Variants in CSTF1 observed in about 807,000 individuals in gnomAD.
The protein encoded by CSTF1 is CF-1 50 kDa subunit.
CSTF1 carries 2 observed loss-of-function variants against 40.9 expected under a neutral mutation model. The ratio of observed to expected loss-of-function variants is 0.05; its 90% CI spans 0.02 to 0.15. The LOEUF (loss-of-function observed/expected upper bound fraction) is 0.15, where lower values mean the gene tolerates loss of function less well. Ranked by LOEUF, CSTF1 falls within the 10% of genes least tolerant of loss-of-function variation. CSTF1 has a pLI of 1.00. For missense variants in CSTF1, 279 were observed against 558.9 expected, an observed-to-expected ratio of 0.50 and a Z score of 5.05; for synonymous variants, 218 against 207.2, an observed-to-expected ratio of 1.05 and a Z score of -0.45.
Position 56,393,170 on chromosome 20 carries a change from A to ATGTGTGTGTG in CSTF1, c.-33+467_-33+476dup, listed in dbSNP as rs11473393. Among the ~76,000 whole-genome samples the ATGTGTGTGTG allele has an allele frequency of 5.3e-5, 7 of 132,052 alleles. No homozygotes were observed. The East Asian group carries it at 1.4e-3, about 27-fold the overall frequency. The allele number at this position is 132,052 out of a possible 152,430, so 86.6% of individuals were successfully genotyped here. The stretch of plus-strand genomic sequence containing the variant: ...CATATACATATATATACACACACAT[A>ATGTGTGTGTG]TGTGTGTGTGTGTGTGTGTATGTAC... On this transcript the variant is annotated intron_variant, in intron 1 of 5. Transcript: ENST00000217109.
chr20:56,403,846 A>T lies in CSTF1; in HGVS notation c.*119A>T. On this transcript the variant is annotated 3_prime_UTR_variant, in exon 6 of 6. Transcript: ENST00000217109. The stretch of plus-strand genomic sequence containing the variant: ...ACGTTTTGCTGCCACCTCTGTCCAC[A>T]TTCTTCTTGGATTTGTATAAAAGAA... 1 of 999,946 alleles carries T rather than the reference A, an allele frequency of 1.0e-6. No individual in the cohort carries two copies. The highest frequency in any genetic ancestry group is 1.5e-6 in the Non-Finnish European group (1 of 673,344). 61.9% of individuals were successfully genotyped at this position (999,946 alleles called of 1,614,324 possible).
At chr20:56,402,135 C>T (rs1978481009) in intron 5 of CSTF1, among the ~76,000 whole-genome samples, 1 of 151,974 alleles carries the variant, frequency 6.6e-6, no homozygotes, top group Non-Finnish European at 1.5e-5. Flanking sequence ...GGTGAAACCC[C>T]ATCTCTACTA....
In CSTF1 at chr20:56,399,046, G is replaced by A. The variant is rs1431453883; in HGVS notation, c.725G>A (p.Arg242His). ...GTCGGAACTCAGCATCCTACTCTTC[G>A]CCTTTATGATATCAACACCTTTCAA... is the stretch of plus-strand genomic sequence containing the variant. ...ILVGTQHPTL[R>H]LYDINTFQCF... The change falls in exon 5 of 6, where the codon CGC (arginine) becomes CAC (histidine). Residue 242 changes from arginine to histidine, a missense_variant. Arg to His is a conservative substitution (Grantham distance 29). Around this residue, in one of 4 missense-constraint regions of CSTF1, gnomAD observed 162 missense variants for 337.1 expected, o/e 0.48. Coordinates refer to ENST00000217109, the MANE Select transcript of CSTF1 (RefSeq NM_001324.3). The surrounding 1 kb of genome is among the most constrained non-coding windows in gnomAD (Gnocchi z 4.6). 18 of 1,613,798 alleles carry A rather than the reference G, an allele frequency of 1.1e-5. No homozygotes were observed. Among genetic ancestry groups the A allele is most frequent in the Non-Finnish European group, 1.7e-6 (2 of 1,179,974 alleles).
At position 56,403,816 on chromosome 20, in the gene CSTF1, C is replaced by A; in HGVS notation, c.*89C>A. On this transcript the variant is annotated 3_prime_UTR_variant, in exon 6 of 6. Transcript: ENST00000217109. ...CTGCAGTCGTAAGTCCGTGCACCAT[C>A]CTTGACGTTTTGCTGCCACCTCTGT... 2 of 1,368,608 alleles carry A rather than the reference C, an allele frequency of 1.5e-6. No homozygotes were observed. Among genetic ancestry groups the A allele is most frequent in the African/African-American group, 1.4e-5 (1 of 69,410 alleles). 84.8% of individuals were successfully genotyped at this position (1,368,608 alleles called of 1,614,324 possible). A position where few individuals can be genotyped will look rare whatever the true frequency, so the allele number is the denominator to read the frequency against.
At chr20:56,398,125 G>C (rs527891462) in intron 4 of CSTF1, among the ~76,000 whole-genome samples, 3 of 152,038 alleles carry the variant, frequency 2.0e-5, no homozygotes, top group Non-Finnish European at 4.4e-5. Context: ...AACAAAACAC[G>C]ACCAGCTTCA....
In CSTF1 at chr20:56,397,884, C is replaced by G; in HGVS notation, c.645+43C>G. ...GGAGCTTTACATTTTTTCTTAAATACAATGAGCTATTGTACAACTATTCTC... is the reference window on the plus strand; with the variant it reads ...GGAGCTTTACATTTTTTCTTAAATAGAATGAGCTATTGTACAACTATTCTC... On this transcript the variant is annotated intron_variant, in intron 4 of 5. Transcript: ENST00000217109. This position sits in a 1 kb window ranked among gnomAD's most constrained non-coding sequence, Gnocchi z 4.4. 1 of 1,426,778 alleles carries G rather than the reference C, an allele frequency of 7.0e-7. No individual in the cohort carries two copies. The highest frequency in any genetic ancestry group is 9.8e-7 in the Non-Finnish European group (1 of 1,017,928). The allele number at this position is 1,426,778 out of a possible 1,614,324, so 88.4% of individuals were successfully genotyped here. A position where few individuals can be genotyped will look rare whatever the true frequency, so the allele number is the denominator to read the frequency against.
rs1268508001 is a variant in CSTF1 at position 56,404,501 on chromosome 20, G to C, written c.*774G>C. 6.6e-6 allele frequency: 1 copy of C among 152,158 alleles called. No homozygotes were observed. Among genetic ancestry groups the C allele is most frequent in the Non-Finnish European group, 1.5e-5 (1 of 68,024 alleles). The allele number at this position is 152,158 out of a possible 1,614,324, so 9.4% of individuals were successfully genotyped here. On this transcript the variant is annotated 3_prime_UTR_variant, in exon 6 of 6. Transcript: ENST00000217109. ...TGTTGCCTGTCTTCACGAATGATTA[G>C]TATCGATTGACCTCTTTCTTAGGTG...
Position 56,403,790 on chromosome 20 carries a change from G to T in CSTF1, c.*63G>T. On this transcript the variant is annotated 3_prime_UTR_variant, in exon 6 of 6. Coordinates refer to ENST00000217109, the MANE Select transcript of CSTF1 (RefSeq NM_001324.3). ...CCCTCCTCCCCCACGTCCTGTCTCA[G>T]CTGCAGTCGTAAGTCCGTGCACCAT... The T allele has an allele frequency of 1.3e-6, 2 of 1,530,116 alleles. No homozygotes were observed. The highest frequency in any genetic ancestry group is 4.5e-5 in the East Asian group (2 of 44,052). 94.8% of individuals were successfully genotyped at this position (1,530,116 alleles called of 1,614,324 possible).
chr20:56,403,927 T>G lies in CSTF1; in HGVS notation c.*200T>G. 1.7e-6 allele frequency: 1 copy of G among 588,316 alleles called. No homozygotes were observed. Among genetic ancestry groups the G allele is most frequent in the Non-Finnish European group, 3.0e-6 (1 of 335,262 alleles). 36.4% of individuals were successfully genotyped at this position (588,316 alleles called of 1,614,324 possible). Reference sequence around the variant, plus strand: ...GGAAAAAGTTGGAAACACAGATCTGTGCAGTTCTACATTCACTGATTATTA... The same window carrying G: ...GGAAAAAGTTGGAAACACAGATCTGGGCAGTTCTACATTCACTGATTATTA... On this transcript the variant is annotated 3_prime_UTR_variant, in exon 6 of 6. Transcript: ENST00000217109.
intron 1 of CSTF1, among the ~76,000 whole-genome samples, chr20:56,393,899 C>T (rs1247165884): frequency 6.6e-6 from 1 of 152,128 alleles, no homozygotes; most frequent in Non-Finnish European, 1.5e-5. Context: ...TGCTGTTCTC[C>T]AGGTGCCCTC....
At position 56,403,895 on chromosome 20, in the gene CSTF1, T is replaced by C; in HGVS notation, c.*168T>C. ...AATCTTTTTTTACCTTGATGTAGAA[T>C]CATGGTGGAAAAAGTTGGAAACACA... is the stretch of plus-strand genomic sequence containing the variant. On this transcript the variant is annotated 3_prime_UTR_variant, in exon 6 of 6. Coordinates refer to ENST00000217109, the MANE Select transcript of CSTF1 (RefSeq NM_001324.3). The C allele has an allele frequency of 2.9e-6, 2 of 690,818 alleles. No homozygotes were observed. The highest frequency in any genetic ancestry group is 4.8e-6 in the Non-Finnish European group (2 of 419,322). 42.8% of individuals were successfully genotyped at this position (690,818 alleles called of 1,614,324 possible).
chr20:56,396,216 G>A (rs1987514647), intron 2 of CSTF1, among the ~76,000 whole-genome samples: 1 of 152,146 alleles, frequency 6.6e-6, no homozygotes, highest in African/African-American at 2.4e-5. Flanking sequence ...AGTTGAGTAA[G>A]GATCAGGACC....
At chr20:56,396,821 G>T in intron 2 of CSTF1, 1 of 162,500 alleles carries the variant, frequency 6.2e-6, no homozygotes, top group Non-Finnish European at 1.3e-5. Context: ...CTAACTTAAC[G>T]AGCATCAGAG....
rs1348538436 is a variant in CSTF1, at chr20:56,399,542, GGAAATA to G, written c.1036+189_1036+194del. Among the ~76,000 whole-genome samples the G allele has an allele frequency of 6.6e-6, 1 of 152,218 alleles. No homozygotes were observed. The highest frequency in any genetic ancestry group is 1.5e-5 in the Non-Finnish European group (1 of 68,050). On this transcript the variant is annotated intron_variant, in intron 5 of 5. Transcript: ENST00000217109. This position sits in a 1 kb window ranked among gnomAD's most constrained non-coding sequence, Gnocchi z 4.6. ...TCATTTAGCCAAGGCTACACGACTTGGAAATAGAACGGTGCTTTCTTTGCTCTTCTG... is the reference window on the plus strand; with the variant it reads ...TCATTTAGCCAAGGCTACACGACTTGGAACGGTGCTTTCTTTGCTCTTCTG...
At chr20:56,400,826 G>T (rs1381085225) in intron 5 of CSTF1, among the ~76,000 whole-genome samples, 2 of 152,112 alleles carry the variant, frequency 1.3e-5, no homozygotes, top group Non-Finnish European at 2.9e-5. Context: ...AGATCACAAG[G>T]TCAGGAGTTT....
At chr20:56,402,392 T>TA (rs1257182938) in intron 5 of CSTF1, among the ~76,000 whole-genome samples, 3 of 152,246 alleles carry the variant, frequency 2.0e-5, no homozygotes, top group African/African-American at 7.2e-5. Context: ...TATTGACTGT[T>TA]ACCTCTGATG....
Position 56,399,403 on chromosome 20 carries a change from CT to C in CSTF1, c.1036+49del. On this transcript the variant is annotated intron_variant, in intron 5 of 5. Coordinates refer to ENST00000217109, the MANE Select transcript of CSTF1 (RefSeq NM_001324.3). The surrounding 1 kb of genome is among the most constrained non-coding windows in gnomAD (Gnocchi z 4.6). The stretch of plus-strand genomic sequence containing the variant: ...ACTTAACATTTCTGTAGTGTTTACA[CT>C]TTCCAGAACTCTCTTTTAAGACCTC... The C allele has an allele frequency of 6.6e-7, 1 of 1,515,000 alleles. No homozygotes were observed. The highest frequency in any genetic ancestry group is 1.2e-5 in the South Asian group (1 of 82,056). The allele number at this position is 1,515,000 out of a possible 1,614,324, so 93.8% of individuals were successfully genotyped here. A position where few individuals can be genotyped will look rare whatever the true frequency, so the allele number is the denominator to read the frequency against.
At chr20:56,403,317 G>C in intron 5 of CSTF1, 151 bp from the exon 6 acceptor site, 1 of 934,420 alleles carries the variant, frequency 1.1e-6, no homozygotes, top group Non-Finnish European at 1.6e-6. Flanking sequence ...TGCCTGGTTT[G>C]ATTTTCTTTT....
intron 2 of CSTF1, 148 bp downstream of exon 2, chr20:56,395,869 G>A: frequency 1.3e-6 from 1 of 790,508 alleles, no homozygotes; most frequent in South Asian, 1.9e-5. Flanking sequence ...ATGAGTTCAG[G>A]AAGTAGCTCA....
Sources: gnomAD v4.1 joint callset for allele counts (sites outside exome capture counted in the v4.1 genomes callset) on GRCh38, gnomAD v4.1.1 for gene constraint, gnomAD v4.1.1 regional missense constraint, Gnocchi (gnomAD v3.1) non-coding constraint, MANE v1.5 for transcripts, NCBI Gene and HGNC (gene_info 2026-07-23, HGNC 2026-07-21) for gene names.